Variants in FARS2 observed in about 807,000 individuals in gnomAD.
FARS2 encodes the protein phenylalanyl-tRNA synthetase 2, mitochondrial.
A neutral mutation model predicts 46.4 loss-of-function variants in FARS2; 40 were observed. That is an observed-to-expected ratio of 0.86 (90% confidence interval 0.67 to 1.12). The LOEUF (loss-of-function observed/expected upper bound fraction) is 1.12, where lower values mean the gene tolerates loss of function less well. Among genes scored for constraint, FARS2 ranks in the 50% most tolerant of loss-of-function variants. FARS2 has a pLI of 0.00. For synonymous variants in FARS2, 234 were observed against 214.9 expected, an observed-to-expected ratio of 1.09 and a Z score of -0.78; for missense variants, 513 against 567.9, an observed-to-expected ratio of 0.90 and a Z score of 0.98.
At chr6:5,316,247 C>T (rs1769510628) in intron 1 of FARS2, among the ~76,000 whole-genome samples, 1 of 152,206 alleles carries the variant, frequency 6.6e-6, no homozygotes, top group Non-Finnish European at 1.5e-5. Flanking sequence ...GAGTGCATTT[C>T]TCCTGTGTGT....
At chr6:5,344,039 G>C (rs950479350) in intron 1 of FARS2, among the ~76,000 whole-genome samples, 12 of 152,134 alleles carry the variant, frequency 7.9e-5, no homozygotes, top group African/African-American at 2.9e-4. Flanking sequence ...GCTTGTTTCT[G>C]GGTATGTGTT....
chr6:5,315,738 T>TTTCTTTCTTTTTTTCTTTCTTTC lies in FARS2; in HGVS notation c.-21-52809_-21-52808insTTTCTTTTTTTCTTTCTTTCTTC. On this transcript the variant is annotated intron_variant, in intron 1 of 6. Coordinates refer to ENST00000274680, the MANE Select transcript of FARS2 (RefSeq NM_006567.5). ...TTTCTCTTTCTTTCTTTCTTTCTTT[T>TTTCTTTCTTTTTTTCTTTCTTTC]TTCCTTTCTTTCTTTCTTTCTTTTT... Among the ~76,000 whole-genome samples the TTTCTTTCTTTTTTTCTTTCTTTC allele has an allele frequency of 3.9e-4, 49 of 125,248 alleles. No individual in the cohort carries two copies. The East Asian group carries it at 6.4e-3, about 16-fold the overall frequency. 82.2% of individuals were successfully genotyped at this position (125,248 alleles called of 152,430 possible). A position where few individuals can be genotyped will look rare whatever the true frequency, so the allele number is the denominator to read the frequency against.
chr6:5,494,985 T>G (rs946655799), intron 4 of FARS2, among the ~76,000 whole-genome samples: 2 of 152,238 alleles, frequency 1.3e-5, no homozygotes, highest in Non-Finnish European at 2.9e-5. Flanking sequence ...TCAGGGGTAA[T>G]TGCTCTTCTC....
chr6:5,394,760 G>A (rs537468395), intron 2 of FARS2, among the ~76,000 whole-genome samples: 2 of 151,636 alleles, frequency 1.3e-5, no homozygotes, highest in East Asian at 3.9e-4. Context: ...TGTTAGTAAG[G>A]GACAGTGTTT....
In FARS2 at chr6:5,555,905, C is replaced by A. The variant is rs796928658; in HGVS notation, c.1065+10565C>A. On this transcript the variant is annotated intron_variant, in intron 5 of 6. Coordinates refer to ENST00000274680, the MANE Select transcript of FARS2 (RefSeq NM_006567.5). ...ATAAGGAGAGGTGCAGTGACCGAGA[C>A]TATAGACAAGTTTGTATTGGAATAA... is the stretch of plus-strand genomic sequence containing the variant. Among the ~76,000 whole-genome samples, 25 of 152,158 alleles carry A rather than the reference C, an allele frequency of 1.6e-4. 1 individual carries two copies. Among genetic ancestry groups the A allele is most frequent in the African/African-American group, 6.0e-4 (25 of 41,470 alleles).
chr6:5,297,370 T>A (rs921465037), intron 1 of FARS2, among the ~76,000 whole-genome samples: 1 of 152,072 alleles, frequency 6.6e-6, no homozygotes, highest in Non-Finnish European at 1.5e-5. Context: ...AATTTTGGCC[T>A]GGCGCAGTGG....
At position 5,639,208 on chromosome 6, in the gene FARS2, A is replaced by G. The variant is rs867918875; in HGVS notation, c.1217+25888A>G. Among the ~76,000 whole-genome samples, 6 of 152,322 alleles carry G rather than the reference A, an allele frequency of 3.9e-5. No individual in the cohort carries two copies. The Middle Eastern group carries it at 0.01, about 259-fold the overall frequency. On this transcript the variant is annotated intron_variant, in intron 6 of 6. Coordinates refer to ENST00000274680, the MANE Select transcript of FARS2 (RefSeq NM_006567.5). ...AATGAGTTGAAGTGCTTAAACGTAC[A>G]TCCACATATTTCAAAGCAAGGTACT... is the stretch of plus-strand genomic sequence containing the variant.
chr6:5,727,774 C>T lies in FARS2; in HGVS notation c.1218-43517C>T, dbSNP rs1199356375. Among the ~76,000 whole-genome samples the T allele has an allele frequency of 2.0e-5, 3 of 152,240 alleles. No homozygotes were observed. The highest frequency in any genetic ancestry group is 2.9e-5 in the Non-Finnish European group (2 of 68,050). On this transcript the variant is annotated intron_variant, in intron 6 of 6. Transcript: ENST00000274680. This position sits in a 1 kb window ranked among gnomAD's most constrained non-coding sequence, Gnocchi z 4.1. ...CAATGCACTCTGACAGCTCAAAACACTTCCTCGAGCTTCTATACATTCTGC... is the reference window on the plus strand; with the variant it reads ...CAATGCACTCTGACAGCTCAAAACATTTCCTCGAGCTTCTATACATTCTGC...
chr6:5,510,148 T>A (rs2150400474), intron 4 of FARS2, among the ~76,000 whole-genome samples: 1 of 152,306 alleles, frequency 6.6e-6, no homozygotes, highest in East Asian at 1.9e-4. Context: ...TTGGTTGGTT[T>A]TTGCTCCCTT....
intron 6 of FARS2, among the ~76,000 whole-genome samples, chr6:5,696,872 TG>T (rs1249427180): frequency 6.6e-6 from 1 of 152,214 alleles, no homozygotes; most frequent in Non-Finnish European, 1.5e-5. Flanking sequence ...AATCATCCCA[TG>T]TTGACAGATA....
At chr6:5,452,217 G>T (rs1764537524) in intron 4 of FARS2, 1 of 151,240 alleles carries the variant, frequency 6.6e-6, no homozygotes, top group Non-Finnish European at 1.5e-5. Flanking sequence ...GTGTAGATGG[G>T]TGTAGCACAG....
At chr6:5,668,241 T>A (rs1778244115) in intron 6 of FARS2, 1 of 152,264 alleles carries the variant, frequency 6.6e-6, no homozygotes, top group Non-Finnish European at 1.5e-5. Flanking sequence ...GACTTGCTTA[T>A]AATGTGAGGT....
chr6:5,757,597 A>AAACCTGC (rs1561840496), intron 6 of FARS2, among the ~76,000 whole-genome samples: 1 of 152,234 alleles, frequency 6.6e-6, no homozygotes, highest in Admixed American at 6.5e-5. Flanking sequence ...TTGAGGTGGG[A>AAACCTGC]TATAGCTGAG....
intron 6 of FARS2, among the ~76,000 whole-genome samples, chr6:5,752,354 T>C (rs1187383361): frequency 6.6e-6 from 1 of 152,244 alleles, no homozygotes. Flanking sequence ...ACACTCCTGT[T>C]CTTTTTAATC....
At chr6:5,498,746 T>G (rs1767619790) in intron 4 of FARS2, among the ~76,000 whole-genome samples, 2 of 152,228 alleles carry the variant, frequency 1.3e-5, no homozygotes, top group African/African-American at 4.8e-5. Flanking sequence ...GAATTCCTGT[T>G]TCTTTACAGC....
intron 5 of FARS2, chr6:5,609,432 T>C: frequency 1.6e-6 from 2 of 1,244,750 alleles, no homozygotes; most frequent in South Asian, 1.2e-5. Context: ...ACCTCCAAAA[T>C]AGCTTCCATC....
At chr6:5,531,073 T>C (rs548325523) in intron 4 of FARS2, among the ~76,000 whole-genome samples, 45 of 152,062 alleles carry the variant, frequency 3.0e-4, no homozygotes, top group Non-Finnish European at 5.1e-4. Context: ...GCATCTGATG[T>C]GGGAAGAAAG....
chr6:5,455,359 C>T (rs933458274), intron 4 of FARS2, among the ~76,000 whole-genome samples: 1 of 152,092 alleles, frequency 6.6e-6, no homozygotes, highest in Non-Finnish European at 1.5e-5. Flanking sequence ...GTGTTAGTCT[C>T]CAGGGAAGCA....
At chr6:5,683,372 G>C (rs1272554983) in intron 6 of FARS2, among the ~76,000 whole-genome samples, 1 of 152,130 alleles carries the variant, frequency 6.6e-6, no homozygotes, top group Non-Finnish European at 1.5e-5. Flanking sequence ...TTTTCTGGGA[G>C]GAAGAAGGAA....
Sources: allele counts gnomAD v4.1 joint callset (sites outside exome capture counted in the v4.1 genomes callset), GRCh38; gene constraint gnomAD v4.1.1; non-coding constraint Gnocchi (gnomAD v3.1); transcripts MANE v1.5; gene names NCBI Gene and HGNC (gene_info 2026-07-23, HGNC 2026-07-21).